The following DGKI variants were observed in gnomAD, a reference collection of about 807,000 sequenced individuals.
DGKI encodes the protein diacylglycerol kinase iota.
Under a neutral mutation model 147.5 loss-of-function variants are expected in DGKI, and 55 were observed. The ratio of observed to expected loss-of-function variants is 0.37; its 90% CI spans 0.30 to 0.47. DGKI has a LOEUF of 0.47. Among genes scored for constraint, DGKI ranks in the 20% least tolerant of loss-of-function variants. DGKI has a pLI of 1.00. For synonymous variants in DGKI, 469 were observed against 477.1 expected, an observed-to-expected ratio of 0.98 and a Z score of 0.22; for missense variants, 1,007 against 1,323.8, an observed-to-expected ratio of 0.76 and a Z score of 3.71.
intron 1 of DGKI, among the ~76,000 whole-genome samples, chr7:137,845,221 G>A (rs530382612): frequency 1.3e-5 from 2 of 152,322 alleles, no homozygotes; most frequent in African/African-American, 4.8e-5. Context: ...TCAACACTTA[G>A]ACACAGAGCA....
intron 1 of DGKI, among the ~76,000 whole-genome samples, chr7:137,693,310 T>C (rs894125401): frequency 6.6e-6 from 1 of 152,118 alleles, no homozygotes; most frequent in African/African-American, 2.4e-5. Context: ...AAGCCCACGG[T>C]CAGCAAAACC....
At chr7:137,620,021 A>T (rs1353681905) in intron 7 of DGKI, 81 bp from the exon 8 acceptor site, 8 of 437,442 alleles carry the variant, frequency 1.8e-5, no homozygotes, top group East Asian at 7.9e-5. Flanking sequence ...GTACACACGC[A>T]CACACACACA....
At chr7:137,820,855 C>G (rs988982976) in intron 1 of DGKI, among the ~76,000 whole-genome samples, 1 of 152,146 alleles carries the variant, frequency 6.6e-6, no homozygotes, top group African/African-American at 2.4e-5. Context: ...AGGGCCTCCC[C>G]CAGCCGGCAT....
chr7:137,513,286 C>A (rs1816638827), intron 21 of DGKI, among the ~76,000 whole-genome samples: 1 of 152,176 alleles, frequency 6.6e-6, no homozygotes, highest in African/African-American at 2.4e-5. Flanking sequence ...TTCCTGCCCA[C>A]AACCTTCTAT....
chr7:137,550,830 C>A (rs1214814847), intron 20 of DGKI, among the ~76,000 whole-genome samples: 3 of 152,190 alleles, frequency 2.0e-5, no homozygotes, highest in Admixed American at 6.5e-5. Flanking sequence ...AGTGACCCAA[C>A]AACATAGGCT....
At chr7:137,424,508 T>C (rs541654136) in intron 28 of DGKI, among the ~76,000 whole-genome samples, 25 of 152,238 alleles carry the variant, frequency 1.6e-4, no homozygotes, top group African/African-American at 5.5e-4. Context: ...ACCGGGTTCA[T>C]CTCACTAGGG....
Position 137,463,635 on chromosome 7 carries a change from C to G in DGKI, c.2613-24G>C, listed in dbSNP as rs774159419. 7.5e-6 allele frequency: 12 copies of G among 1,608,518 alleles called. No individual in the cohort carries two copies. In the East Asian group the frequency reaches 1.6e-4, roughly 21 times the overall value. On this transcript the variant is annotated intron_variant, in intron 26 of 32. Transcript: ENST00000614521. ...TCCTGAGAGAAAGAAGGGCACCAGA[C>G]AGTTAAACATTCAAAGTCAGCCACG...
intron 28 of DGKI, among the ~76,000 whole-genome samples, chr7:137,430,915 C>T (rs1813046146): frequency 6.6e-6 from 1 of 152,012 alleles, no homozygotes; most frequent in South Asian, 2.1e-4. Context: ...AGTGTGAGGC[C>T]AAAGACTCTC....
At chr7:137,671,376 G>A (rs1015020499) in intron 3 of DGKI, among the ~76,000 whole-genome samples, 9 of 152,120 alleles carry the variant, frequency 5.9e-5, no homozygotes, top group African/African-American at 2.2e-4. Context: ...GTAAGAATAT[G>A]GATGCTACAC....
chr7:137,800,814 T>G (rs1215334337), intron 1 of DGKI, among the ~76,000 whole-genome samples: 2 of 152,326 alleles, frequency 1.3e-5, no homozygotes, highest in Admixed American at 6.5e-5. Context: ...CTTAACATTT[T>G]CTGCCCCCAC....
chr7:137,650,506 C>T (rs1343235160), intron 5 of DGKI, among the ~76,000 whole-genome samples: 1 of 152,150 alleles, frequency 6.6e-6, no homozygotes, highest in Non-Finnish European at 1.5e-5. Flanking sequence ...TGTTGAAATC[C>T]TAAACCCCAA....
At chr7:137,804,071 A>G (rs1398761953) in intron 1 of DGKI, among the ~76,000 whole-genome samples, 1 of 152,224 alleles carries the variant, frequency 6.6e-6, no homozygotes, top group Non-Finnish European at 1.5e-5. Flanking sequence ...GAAGCACTCA[A>G]CAGTAAGCGC....
chr7:137,418,157 G>T (rs1377928561), intron 28 of DGKI, among the ~76,000 whole-genome samples: 1 of 152,196 alleles, frequency 6.6e-6, no homozygotes, highest in African/African-American at 2.4e-5. Context: ...TGCCATAATT[G>T]AGTCTACATT....
At chr7:137,548,552 C>T (rs958550474) in intron 20 of DGKI, among the ~76,000 whole-genome samples, 1 of 152,128 alleles carries the variant, frequency 6.6e-6, no homozygotes, top group African/African-American at 2.4e-5. Context: ...TGCCAGCTCC[C>T]CATTCACCTT....
At chr7:137,714,171 T>A (rs962612213) in intron 1 of DGKI, among the ~76,000 whole-genome samples, 3 of 152,206 alleles carry the variant, frequency 2.0e-5, no homozygotes, top group Non-Finnish European at 4.4e-5. Flanking sequence ...TCAATATTGA[T>A]TCCTTTTTCC....
At chr7:137,701,609 C>T (rs2086140795) in intron 1 of DGKI, among the ~76,000 whole-genome samples, 2 of 151,910 alleles carry the variant, frequency 1.3e-5, no homozygotes, top group African/African-American at 4.8e-5. Context: ...CACTAAAAAA[C>T]ATGCATTATT....
intron 27 of DGKI, among the ~76,000 whole-genome samples, chr7:137,460,550 T>C (rs1310537641): frequency 2.6e-5 from 4 of 152,156 alleles, no homozygotes; most frequent in Admixed American, 6.5e-5. Context: ...GGACCAGAAG[T>C]GCCTCAGATT....
intron 1 of DGKI, among the ~76,000 whole-genome samples, chr7:137,821,247 T>C (rs950150170): frequency 1.3e-5 from 2 of 152,122 alleles, no homozygotes; most frequent in Non-Finnish European, 2.9e-5. Context: ...AAGGGATATT[T>C]TGAAAGGAGT....
At chr7:137,830,640 A>G (rs1442465480) in intron 1 of DGKI, among the ~76,000 whole-genome samples, 1 of 152,218 alleles carries the variant, frequency 6.6e-6, no homozygotes, top group South Asian at 2.1e-4. Context: ...GGATAGAATG[A>G]AAGTGGAGAT....
Sources: gnomAD v4.1 joint callset for allele counts (sites outside exome capture counted in the v4.1 genomes callset) on GRCh38, gnomAD v4.1.1 for gene constraint, MANE v1.5 for transcripts, NCBI Gene and HGNC (gene_info 2026-07-23, HGNC 2026-07-21) for gene names.